Variants in CADM2 observed in about 807,000 individuals in gnomAD.
The protein encoded by CADM2 is immunoglobulin superfamily member 4D.
A neutral mutation model predicts 49.8 loss-of-function variants in CADM2; 12 were observed. The ratio of observed to expected loss-of-function variants is 0.24; its 90% CI spans 0.15 to 0.39. CADM2 has a LOEUF of 0.39. Among genes scored for constraint, CADM2 ranks in the 10% least tolerant of loss-of-function variants. The probability of loss-of-function intolerance (pLI) is 1.00; values close to 1 mark genes in which losing one functional copy is unlikely to be tolerated. For missense variants in CADM2, 378 were observed against 492.3 expected, an observed-to-expected ratio of 0.77 and a Z score of 2.20; for synonymous variants, 214 against 175.4, an observed-to-expected ratio of 1.22 and a Z score of -1.74.
chr3:85,007,724 AT>A (rs1201232786), intron 1 of CADM2, among the ~76,000 whole-genome samples: 2 of 152,176 alleles, frequency 1.3e-5, no homozygotes, highest in Admixed American at 1.3e-4. Flanking sequence ...TGAATCTGAG[AT>A]TGAATCATAG....
chr3:85,808,806 C>T (rs1032753894), intron 3 of CADM2, among the ~76,000 whole-genome samples: 2 of 151,916 alleles, frequency 1.3e-5, no homozygotes, highest in Non-Finnish European at 2.9e-5. Flanking sequence ...TGTTAATTAG[C>T]CAATTATTCT....
intron 1 of CADM2, among the ~76,000 whole-genome samples, chr3:85,408,778 C>G (rs1308584207): frequency 6.6e-6 from 1 of 152,054 alleles, no homozygotes; most frequent in African/African-American, 2.4e-5. Context: ...TTGAAAACTC[C>G]TTGAAGAAGT....
intron 1 of CADM2, among the ~76,000 whole-genome samples, chr3:85,498,179 T>TG (rs777964690): frequency 6.6e-6 from 1 of 151,812 alleles, no homozygotes. Context: ...AAGTTTTTTT[T>TG]TTTTTTTTTG....
At chr3:85,897,101 A>AAATTTAG (rs1240408578) in intron 5 of CADM2, among the ~76,000 whole-genome samples, 1 of 152,076 alleles carries the variant, frequency 6.6e-6, no homozygotes, top group Admixed American at 6.5e-5. Context: ...CTAAAGTAGT[A>AAATTTAG]AATTTAGAAA....
At chr3:86,018,507 G>A (rs1732642393) in intron 8 of CADM2, among the ~76,000 whole-genome samples, 1 of 151,964 alleles carries the variant, frequency 6.6e-6, no homozygotes, top group African/African-American at 2.4e-5. Flanking sequence ...GTGTAAAAGT[G>A]TTCATATTTC....
intron 1 of CADM2, among the ~76,000 whole-genome samples, chr3:85,249,765 A>T (rs983579068): frequency 2.0e-5 from 3 of 151,934 alleles, no homozygotes; most frequent in Non-Finnish European, 4.4e-5. Context: ...TATAATTTTT[A>T]AAAATCTCAA....
At chr3:85,477,376 G>C (rs938168141) in intron 1 of CADM2, among the ~76,000 whole-genome samples, 1 of 128,430 alleles carries the variant, frequency 7.8e-6, no homozygotes, top group Non-Finnish European at 1.8e-5. Context: ...AGAGATTTAA[G>C]AAGAAGATTA....
At chr3:85,691,987 A>AG (rs2066403339) in intron 1 of CADM2, among the ~76,000 whole-genome samples, 2 of 152,154 alleles carry the variant, frequency 1.3e-5, no homozygotes, top group African/African-American at 4.8e-5. Flanking sequence ...GGGTGGGAGA[A>AG]GGGGGGAGGG....
At chr3:85,704,504 TC>T (rs1371399383) in intron 1 of CADM2, among the ~76,000 whole-genome samples, 1 of 152,118 alleles carries the variant, frequency 6.6e-6, no homozygotes, top group African/African-American at 2.4e-5. Context: ...CACTTTTCTC[TC>T]TGTATCATCA....
At chr3:85,809,892 T>G (rs1006202075) in intron 3 of CADM2, among the ~76,000 whole-genome samples, 2 of 151,602 alleles carry the variant, frequency 1.3e-5, no homozygotes, top group Non-Finnish European at 2.9e-5. Flanking sequence ...TATCTCATAT[T>G]TAAACCCTAC....
At chr3:85,128,325 G>C (rs1316704268) in intron 1 of CADM2, among the ~76,000 whole-genome samples, 1 of 152,012 alleles carries the variant, frequency 6.6e-6, no homozygotes, top group African/African-American at 2.4e-5. Context: ...AATCAATATA[G>C]GAGAAAAGTT....
chr3:85,722,017 C>G (rs982511191), intron 1 of CADM2, among the ~76,000 whole-genome samples: 1 of 151,696 alleles, frequency 6.6e-6, no homozygotes, highest in African/African-American at 2.4e-5. Context: ...GGCAGGTTGT[C>G]ACATAGAGTG....
chr3:85,639,747 A>G (rs2064647223), intron 1 of CADM2, among the ~76,000 whole-genome samples: 1 of 152,212 alleles, frequency 6.6e-6, no homozygotes, highest in Admixed American at 6.5e-5. Flanking sequence ...TTAAGAAGGA[A>G]GAAAGTTTCA....
chr3:85,626,227 T>A (rs558316321), intron 1 of CADM2, among the ~76,000 whole-genome samples: 104 of 152,122 alleles, frequency 6.8e-4, no homozygotes, highest in African/African-American at 2.4e-3. Flanking sequence ...AGGGAAATGA[T>A]TAAATGATAT....
intron 2 of CADM2, among the ~76,000 whole-genome samples, chr3:85,785,937 A>C (rs1367586436): frequency 6.6e-6 from 1 of 152,110 alleles, no homozygotes; most frequent in African/African-American, 2.4e-5. Context: ...TTTTGGATCC[A>C]GTACAAATCT....
chr3:85,146,605 G>A (rs1311607757), intron 1 of CADM2, among the ~76,000 whole-genome samples: 1 of 152,148 alleles, frequency 6.6e-6, no homozygotes, highest in Non-Finnish European at 1.5e-5. Context: ...GTTGTCACAT[G>A]TTTGAATGTA....
At chr3:85,180,514 GAA>G (rs58932967) in intron 1 of CADM2, among the ~76,000 whole-genome samples, 304 of 77,296 alleles carry the variant, frequency 3.9e-3, no homozygotes, top group African/African-American at 9.0e-3. Flanking sequence ...GTCTCAAAAA[GAA>G]AAAAAAAAAA....
intron 3 of CADM2, among the ~76,000 whole-genome samples, chr3:85,830,167 C>T (rs370944310): frequency 6.6e-6 from 1 of 151,948 alleles, no homozygotes; most frequent in African/African-American, 2.4e-5. Flanking sequence ...TTTCTTCACA[C>T]GCTCGCCAAC....
At chr3:85,983,604 G>T (rs2108677469) in intron 8 of CADM2, among the ~76,000 whole-genome samples, 1 of 151,790 alleles carries the variant, frequency 6.6e-6, no homozygotes, top group South Asian at 2.1e-4. Flanking sequence ...TTTACCAGCA[G>T]TTGTATCATA....
Sources: gnomAD v4.1 joint callset for allele counts (sites outside exome capture counted in the v4.1 genomes callset) on GRCh38, gnomAD v4.1.1 for gene constraint, MANE v1.5 for transcripts, NCBI Gene and HGNC (gene_info 2026-07-23, HGNC 2026-07-21) for gene names.